The following RXFP4 variants were observed in gnomAD, a reference collection of about 807,000 sequenced individuals.
RXFP4 encodes relaxin family peptide/INSL5 receptor 4.
For missense variants in RXFP4, 425 were observed against 491.3 expected (o/e 0.87, Z 1.28); for synonymous variants, 182 against 218.0 (o/e 0.83, Z 1.45).
Position 155,942,289 on chromosome 1 carries a change from C to G in RXFP4, c.580C>G (p.Arg194Gly). 6.2e-7 allele frequency: 1 copy of G among 1,600,650 alleles called. No homozygotes were observed. The highest frequency in any genetic ancestry group is 8.5e-7 in the Non-Finnish European group (1 of 1,171,230). The change falls in exon 1 of 1, where the codon CGT becomes GGT. Residue 194 changes from arginine (R) to glycine (G), a missense_variant. Transcript: ENST00000368318. The surrounding 1 kb of genome is among the most constrained non-coding windows in gnomAD (Gnocchi z 5.2). The stretch of plus-strand genomic sequence containing the variant: ...GTGTGGTGTGCGCCTTTGCCTGCTG[C>G]GTTTCCCCAGCAGGTACTGGCTGGG... ...EVCGVRLCLL[R>G]FPSRYWLGAY...
Position 155,942,243 on chromosome 1 carries a change from C to T in RXFP4, c.534C>T (p.Val178=), listed in dbSNP as rs1557975573. The change falls in exon 1 of 1, where the codon GTC becomes GTT. Residue 178 remains valine, a synonymous_variant. Transcript: ENST00000368318. This position sits in a 1 kb window ranked among gnomAD's most constrained non-coding sequence, Gnocchi z 5.2. The part of the protein sequence containing the change: ...AAALVTVPTA[V]FGVEGEVCGV... The stretch of plus-strand genomic sequence containing the variant: ...CCCTGGTGACGGTGCCCACAGCTGT[C>T]TTCGGGGTGGAGGGTGAGGTGTGTG... The T allele has an allele frequency of 1.2e-6, 2 of 1,613,530 alleles. No individual in the cohort carries two copies. Among genetic ancestry groups the T allele is most frequent in the East Asian group, 2.2e-5 (1 of 44,892 alleles).
At position 155,942,188 on chromosome 1, in the gene RXFP4, T is replaced by TA; in HGVS notation, c.480dup (p.Ala161SerfsTer24). 1 of 1,613,960 alleles carries TA rather than the reference T, an allele frequency of 6.2e-7. No individual in the cohort carries two copies. The highest frequency in any genetic ancestry group is 8.5e-7 in the Non-Finnish European group (1 of 1,180,016). On this transcript the variant is annotated frameshift_variant, in exon 1 of 1. Coordinates refer to ENST00000368318, the MANE Select transcript of RXFP4 (RefSeq NM_181885.3). LOFTEE classifies it low-confidence loss of function (END_TRUNC). This position sits in a 1 kb window ranked among gnomAD's most constrained non-coding sequence, Gnocchi z 5.2. ...CACCTCTCACTCTTCTGGGCCCGAA[T>TA]AGCCACCCTGGCAGTGTGGGCGGCG...
In RXFP4 at chr1:155,942,005, C is replaced by T. The variant is rs944131513; in HGVS notation, c.296C>T (p.Ala99Val). 4 of 1,613,140 alleles carry T rather than the reference C, an allele frequency of 2.5e-6. No homozygotes were observed. The Admixed American group carries it at 6.7e-5, about 27-fold the overall frequency. ...GCACTCACTCTCCCCTTTTGGGCAG[C>T]CGAGTCGGCACTGGACTTTCACTGG... Reference protein sequence around the residue: ...GLALTLPFWAAESALDFHWPF... With the variant: ...GLALTLPFWAVESALDFHWPF... The change falls in exon 1 of 1, where the codon GCC (alanine) becomes GTC (valine). Residue 99 changes from alanine (A) to valine (V), a missense_variant. Ala to Val is a moderately conservative substitution (Grantham distance 64). Transcript: ENST00000368318. This position sits in a 1 kb window ranked among gnomAD's most constrained non-coding sequence, Gnocchi z 5.2.
chr1:155,942,235 A>G lies in RXFP4; in HGVS notation c.526A>G (p.Thr176Ala). 2 of 1,613,714 alleles carry G rather than the reference A, an allele frequency of 1.2e-6. No individual in the cohort carries two copies. Among genetic ancestry groups the G allele is most frequent in the Non-Finnish European group, 1.7e-6 (2 of 1,179,958 alleles). ...GGCGGCTGCCCTGGTGACGGTGCCC[A>G]CAGCTGTCTTCGGGGTGGAGGGTGA... ...WAAAALVTVP[T>A]AVFGVEGEVC... The change falls in exon 1 of 1, where the codon ACA becomes GCA. Residue 176 changes from threonine to alanine, a missense_variant. Physicochemically the swap from Thr to Ala is moderately conservative, Grantham distance 58. Transcript: ENST00000368318. This position sits in a 1 kb window ranked among gnomAD's most constrained non-coding sequence, Gnocchi z 5.2.
At position 155,942,877 on chromosome 1, in the gene RXFP4, G is replaced by C. The variant is rs766725159; in HGVS notation, c.*43G>C. 2.0e-6 allele frequency: 3 copies of C among 1,482,346 alleles called. No individual in the cohort carries two copies. The highest frequency in any genetic ancestry group is 1.8e-6 in the Non-Finnish European group (2 of 1,121,626). 91.8% of individuals were successfully genotyped at this position (1,482,346 alleles called of 1,614,324 possible). ...CACTCCTCTTTCTGAGATCCACCAA[G>C]TGTAGGATCCTTGAGTCCTGGGGAG... On this transcript the variant is annotated 3_prime_UTR_variant, in exon 1 of 1. Coordinates refer to ENST00000368318, the MANE Select transcript of RXFP4 (RefSeq NM_181885.3). The surrounding 1 kb of genome is among the most constrained non-coding windows in gnomAD (Gnocchi z 5.2).
In RXFP4 at chr1:155,942,533, A is replaced by T; in HGVS notation, c.824A>T (p.Asp275Val). ...VTLWGVLVKF[D>V]LVPWNSTFYT... ...CTCTGGGGTGTCCTGGTGAAGTTTG[A>T]CCTGGTGCCCTGGAACAGTACTTTC... The change falls in exon 1 of 1, where the codon GAC (aspartate) becomes GTC (valine). Residue 275 changes from aspartate (D) to valine (V), a missense_variant. Transcript: ENST00000368318. This position sits in a 1 kb window ranked among gnomAD's most constrained non-coding sequence, Gnocchi z 5.2. The T allele has an allele frequency of 1.2e-6, 2 of 1,613,940 alleles. No individual in the cohort carries two copies. The highest frequency in any genetic ancestry group is 1.7e-6 in the Non-Finnish European group (2 of 1,179,952).
chr1:155,942,371 C>T lies in RXFP4; in HGVS notation c.662C>T (p.Thr221Ile). Residue 221 changes from threonine (T) to isoleucine (I), a missense_variant, in exon 1 of 1, where the codon ACC becomes ATC. Physicochemically the swap from Thr to Ile is moderately conservative, Grantham distance 89. Coordinates refer to ENST00000368318, the MANE Select transcript of RXFP4 (RefSeq NM_181885.3). This position sits in a 1 kb window ranked among gnomAD's most constrained non-coding sequence, Gnocchi z 5.2. ...TTCATGGTGCCCTTGGGCGTCATCA[C>T]CACCAGCTACCTGCTGCTGCTGGCC... ...LAFMVPLGVI[T>I]TSYLLLLAFL... 1 of 1,553,516 alleles carries T rather than the reference C, an allele frequency of 6.4e-7. No individual in the cohort carries two copies. The highest frequency in any genetic ancestry group is 8.7e-7 in the Non-Finnish European group (1 of 1,147,040).
Position 155,941,721 on chromosome 1 carries a change from C to A in RXFP4, c.12C>A (p.Leu4=). The change falls in exon 1 of 1, where the codon CTC becomes CTA. Residue 4 remains leucine, a synonymous_variant. Transcript: ENST00000368318. ...TCTGATGCCCTGCGATGCCCACACT[C>A]AATACTTCTGCCTCTCCACCCACAT... MPT[L]NTSASPPTFF... The A allele has an allele frequency of 6.2e-7, 1 of 1,614,054 alleles. No individual in the cohort carries two copies. Among genetic ancestry groups the A allele is most frequent in the East Asian group, 2.2e-5 (1 of 44,886 alleles).
In RXFP4 at chr1:155,942,417, G is replaced by T. The variant is rs781298256; in HGVS notation, c.708G>T (p.Arg236=). Residue 236 remains arginine, a synonymous_variant, in exon 1 of 1, where the codon CGG becomes CGT. Coordinates refer to ENST00000368318, the MANE Select transcript of RXFP4 (RefSeq NM_181885.3). The surrounding 1 kb of genome is among the most constrained non-coding windows in gnomAD (Gnocchi z 5.2). ...LLLAFLQRRQ[R]RRQDSRVVAR... ...TGGCCTTCCTGCAGCGGCGGCAACGGCGGCGGCAGGACAGCAGGGTCGTGG... is the reference window on the plus strand; with the variant it reads ...TGGCCTTCCTGCAGCGGCGGCAACGTCGGCGGCAGGACAGCAGGGTCGTGG... 3.4e-5 allele frequency: 53 copies of T among 1,554,184 alleles called. No individual in the cohort carries two copies. In the East Asian group the frequency reaches 1.0e-3, roughly 30 times the overall value.
At position 155,942,249 on chromosome 1, in the gene RXFP4, GGT is replaced by G; in HGVS notation, c.542_543del (p.Val181GlyfsTer3). The G allele has an allele frequency of 1.2e-6, 2 of 1,613,562 alleles. No homozygotes were observed. The highest frequency in any genetic ancestry group is 4.5e-5 in the East Asian group (2 of 44,880). On this transcript the variant is annotated frameshift_variant, in exon 1 of 1. Transcript: ENST00000368318. LOFTEE classifies it low-confidence loss of function (END_TRUNC). The surrounding 1 kb of genome is among the most constrained non-coding windows in gnomAD (Gnocchi z 5.2). ...LVTVPTAVFG[V>X]EGEVCGVRLC... is the part of the protein sequence containing the mutation. Reference sequence around the variant, plus strand: ...TGACGGTGCCCACAGCTGTCTTCGGGGTGGAGGGTGAGGTGTGTGGTGTGCGC... The same window carrying G: ...TGACGGTGCCCACAGCTGTCTTCGGGGGAGGGTGAGGTGTGTGGTGTGCGC...
rs1301975565 is a variant in RXFP4, at chr1:155,942,486, G to A, written c.777G>A (p.Trp259Ter). 4.4e-5 allele frequency: 71 copies of A among 1,609,622 alleles called. No individual in the cohort carries two copies. Among genetic ancestry groups the A allele is most frequent in the Non-Finnish European group, 5.9e-5 (70 of 1,177,102 alleles). Residue 259 changes from tryptophan (W) to a stop codon, truncating the protein, a stop_gained, in exon 1 of 1, where the codon TGG becomes TGA. Transcript: ENST00000368318. LOFTEE classifies it low-confidence loss of function (END_TRUNC). This position sits in a 1 kb window ranked among gnomAD's most constrained non-coding sequence, Gnocchi z 5.2. ...TGGTGGCTTCCTTCTTCCTCTGCTGGTTTCCCAACCATGTGGTCACTCTCT... is the reference window on the plus strand; with the variant it reads ...TGGTGGCTTCCTTCTTCCTCTGCTGATTTCCCAACCATGTGGTCACTCTCT... The part of the protein sequence containing the change: ...RILVASFFLC[W>*]FPNHVVTLWG...
Position 155,942,601 on chromosome 1 carries a change from G to A in RXFP4, c.892G>A (p.Ala298Thr), listed in dbSNP as rs780741134. ...TGTCTTCCCTGTCACTACTTGCTTG[G>A]CACACAGCAATAGCTGCCTCAACCC... ...TYVFPVTTCL[A>T]HSNSCLNPVL... Residue 298 changes from alanine to threonine, a missense_variant, in exon 1 of 1, where the codon GCA becomes ACA. Ala to Thr is a moderately conservative substitution (Grantham distance 58). Transcript: ENST00000368318. This position sits in a 1 kb window ranked among gnomAD's most constrained non-coding sequence, Gnocchi z 5.2. The A allele has an allele frequency of 6.2e-7, 1 of 1,614,158 alleles. No individual in the cohort carries two copies. Among genetic ancestry groups the A allele is most frequent in the Non-Finnish European group, 8.5e-7 (1 of 1,180,018 alleles).
At position 155,942,880 on chromosome 1, in the gene RXFP4, T is replaced by C; in HGVS notation, c.*46T>C. On this transcript the variant is annotated 3_prime_UTR_variant, in exon 1 of 1. Transcript: ENST00000368318. This position sits in a 1 kb window ranked among gnomAD's most constrained non-coding sequence, Gnocchi z 5.2. Reference sequence around the variant, plus strand: ...TCCTCTTTCTGAGATCCACCAAGTGTAGGATCCTTGAGTCCTGGGGAGAAG... The same window carrying C: ...TCCTCTTTCTGAGATCCACCAAGTGCAGGATCCTTGAGTCCTGGGGAGAAG... The C allele has an allele frequency of 1.4e-6, 2 of 1,479,842 alleles. No individual in the cohort carries two copies. Among genetic ancestry groups the C allele is most frequent in the Non-Finnish European group, 1.8e-6 (2 of 1,119,958 alleles). 91.7% of individuals were successfully genotyped at this position (1,479,842 alleles called of 1,614,324 possible).
Position 155,942,599 on chromosome 1 carries a change from T to C in RXFP4, c.890T>C (p.Leu297Ser). ...QTYVFPVTTC[L>S]AHSNSCLNPV... The stretch of plus-strand genomic sequence containing the variant: ...TATGTCTTCCCTGTCACTACTTGCT[T>C]GGCACACAGCAATAGCTGCCTCAAC... The change falls in exon 1 of 1, where the codon TTG (leucine) becomes TCG (serine). Residue 297 changes from leucine to serine, a missense_variant. Physicochemically the swap from Leu to Ser is moderately radical, Grantham distance 145. Coordinates refer to ENST00000368318, the MANE Select transcript of RXFP4 (RefSeq NM_181885.3). This position sits in a 1 kb window ranked among gnomAD's most constrained non-coding sequence, Gnocchi z 5.2. The C allele has an allele frequency of 6.2e-7, 1 of 1,614,196 alleles. No homozygotes were observed. Among genetic ancestry groups the C allele is most frequent in the Non-Finnish European group, 8.5e-7 (1 of 1,180,010 alleles).
At position 155,942,303 on chromosome 1, in the gene RXFP4, G is replaced by C. The variant is rs377498954; in HGVS notation, c.594G>C (p.Arg198Ser). The change falls in exon 1 of 1, where the codon AGG (arginine) becomes AGC (serine). Residue 198 changes from arginine to serine, a missense_variant. Transcript: ENST00000368318. The surrounding 1 kb of genome is among the most constrained non-coding windows in gnomAD (Gnocchi z 5.2). ...TTTGCCTGCTGCGTTTCCCCAGCAG[G>C]TACTGGCTGGGGGCCTACCAGCTGC... ...VRLCLLRFPS[R>S]YWLGAYQLQR... 6.3e-7 allele frequency: 1 copy of C among 1,593,030 alleles called. No individual in the cohort carries two copies. The highest frequency in any genetic ancestry group is 1.1e-5 in the South Asian group (1 of 88,502).
In RXFP4 at chr1:155,942,435, G is replaced by A. The variant is rs1674331055; in HGVS notation, c.726G>A (p.Arg242=). The change falls in exon 1 of 1, where the codon AGG becomes AGA. Residue 242 remains arginine, a synonymous_variant. Coordinates refer to ENST00000368318, the MANE Select transcript of RXFP4 (RefSeq NM_181885.3). The surrounding 1 kb of genome is among the most constrained non-coding windows in gnomAD (Gnocchi z 5.2). ...GGCAACGGCGGCGGCAGGACAGCAG[G>A]GTCGTGGCCCGCTCTGTCCGCATCC... ...QRRQRRRQDS[R]VVARSVRILV... is the part of the protein sequence containing the mutation. 6.4e-7 allele frequency: 1 copy of A among 1,567,318 alleles called. No individual in the cohort carries two copies. Among genetic ancestry groups the A allele is most frequent in the Admixed American group, 1.8e-5 (1 of 56,250 alleles).
In RXFP4 at chr1:155,942,696, G is replaced by A. The variant is rs781539948; in HGVS notation, c.987G>A (p.Leu329=). 9.3e-6 allele frequency: 15 copies of A among 1,610,508 alleles called. No individual in the cohort carries two copies. Among genetic ancestry groups the A allele is most frequent in the South Asian group, 4.4e-5 (4 of 91,026 alleles). The change falls in exon 1 of 1, where the codon TTG becomes TTA. Residue 329 remains leucine (L), a synonymous_variant. Transcript: ENST00000368318. This position sits in a 1 kb window ranked among gnomAD's most constrained non-coding sequence, Gnocchi z 5.2. The part of the protein sequence containing the change: ...ALAGTFRDLR[L]RLWPQGGGWV... ...CAGGCACCTTCAGGGATCTGCGGTTGAGGCTGTGGCCCCAGGGCGGAGGCT... is the reference window on the plus strand; with the variant it reads ...CAGGCACCTTCAGGGATCTGCGGTTAAGGCTGTGGCCCCAGGGCGGAGGCT...
chr1:155,942,437 T>C lies in RXFP4; in HGVS notation c.728T>C (p.Val243Ala). The change falls in exon 1 of 1, where the codon GTC becomes GCC. Residue 243 changes from valine (V) to alanine (A), a missense_variant. Transcript: ENST00000368318. The surrounding 1 kb of genome is among the most constrained non-coding windows in gnomAD (Gnocchi z 5.2). Reference protein sequence around the residue: ...RRQRRRQDSRVVARSVRILVA... With the variant: ...RRQRRRQDSRAVARSVRILVA... ...CAACGGCGGCGGCAGGACAGCAGGG[T>C]CGTGGCCCGCTCTGTCCGCATCCTG... The C allele has an allele frequency of 1.3e-6, 2 of 1,573,534 alleles. No individual in the cohort carries two copies. Among genetic ancestry groups the C allele is most frequent in the Non-Finnish European group, 1.7e-6 (2 of 1,157,508 alleles).
chr1:155,941,882 T>C lies in RXFP4; in HGVS notation c.173T>C (p.Leu58Ser), dbSNP rs759329075. Reference protein sequence around the residue: ...LVGAIGLLGNLAVLWVLSNCA... With the variant: ...LVGAIGLLGNSAVLWVLSNCA... ...GGGGCCATTGGCTTGCTGGGAAATT[T>C]GGCGGTGCTGTGGGTACTGAGTAAC... The change falls in exon 1 of 1, where the codon TTG becomes TCG. Residue 58 changes from leucine (L) to serine (S), a missense_variant. Coordinates refer to ENST00000368318, the MANE Select transcript of RXFP4 (RefSeq NM_181885.3). 6.2e-7 allele frequency: 1 copy of C among 1,614,072 alleles called. No individual in the cohort carries two copies. Among genetic ancestry groups the C allele is most frequent in the Non-Finnish European group, 8.5e-7 (1 of 1,180,044 alleles).
Sources: allele counts gnomAD v4.1 joint callset, GRCh38; gene constraint gnomAD v4.1.1; non-coding constraint Gnocchi (gnomAD v3.1); transcripts MANE v1.5; gene names NCBI Gene and HGNC (gene_info 2026-07-23, HGNC 2026-07-21).